Variants in SORCS2 observed in about 807,000 individuals in gnomAD.
SORCS2 encodes sortilin related VPS10 domain containing receptor 2.
In SORCS2, 100 loss-of-function variants were observed where a neutral mutation model predicts 141.6. The observed-to-expected ratio is 0.71, with a 90% CI of 0.60 to 0.83. SORCS2 has a LOEUF of 0.83. Ranked by LOEUF, SORCS2 falls within the 40% of genes least tolerant of loss-of-function variation. The pLI is 0.00. For missense variants in SORCS2, 1,646 were observed against 1,560.2 expected, an observed-to-expected ratio of 1.05 and a Z score of -0.93; for synonymous variants, 789 against 676.9, an observed-to-expected ratio of 1.17 and a Z score of -2.57.
chr4:7,721,768 G>C (rs1726603433), intron 18 of SORCS2, among the ~76,000 whole-genome samples: 1 of 152,200 alleles, frequency 6.6e-6, no homozygotes, highest in Non-Finnish European at 1.5e-5. Flanking sequence ...TAACCTCCTA[G>C]TCGTGATACT....
At chr4:7,431,790 G>C (rs752218259) in intron 2 of SORCS2, 1 of 152,348 alleles carries the variant, frequency 6.6e-6, no homozygotes, top group Non-Finnish European at 1.5e-5. Flanking sequence ...GTGTGCCTGT[G>C]TTCCTGGGGC....
At chr4:7,712,315 G>A (rs1173182758) in intron 14 of SORCS2, among the ~76,000 whole-genome samples, 2 of 152,224 alleles carry the variant, frequency 1.3e-5, no homozygotes, top group African/African-American at 4.8e-5. Context: ...AAGCCAGGGA[G>A]AAGCCAGACA....
chr4:7,550,095 T>TC lies in SORCS2; in HGVS notation c.648+18466_648+18467insC, dbSNP rs1327663088. 4.2e-4 allele frequency among the ~76,000 whole-genome samples: 4 copies of TC among 9,606 alleles called. No individual in the cohort carries two copies. In the East Asian group the frequency reaches 0.043, roughly 103 times the overall value. 6.3% of individuals were successfully genotyped at this position (9,606 alleles called of 152,430 possible). ...CCTCTTCACACCTGCCGGGAGCTGG[T>TC]GTTTTTTTTTTTCCGTGTGTGTGTG... On this transcript the variant is annotated intron_variant, in intron 3 of 26. Transcript: ENST00000507866.
At chr4:7,227,369 T>A (rs1414489255) in intron 1 of SORCS2, among the ~76,000 whole-genome samples, 2 of 152,214 alleles carry the variant, frequency 1.3e-5, no homozygotes, top group African/African-American at 4.8e-5. Context: ...CCTCTCTGCA[T>A]TAACCGAGGC....
intron 9 of SORCS2, 53 bp from the exon 10 acceptor site, chr4:7,682,690 T>G: frequency 6.5e-7 from 1 of 1,545,916 alleles, no homozygotes; most frequent in Non-Finnish European, 8.8e-7. Context: ...GGATACTTGG[T>G]CATCAGAGTG....
intron 3 of SORCS2, among the ~76,000 whole-genome samples, chr4:7,548,875 C>T (rs182410020): frequency 4.1e-4 from 62 of 152,322 alleles, no homozygotes; most frequent in Middle Eastern, 6.8e-3. Context: ...CCTACTCTGC[C>T]GGATTGACAA....
intron 2 of SORCS2, among the ~76,000 whole-genome samples, chr4:7,518,931 C>T (rs1027792716): frequency 2.0e-5 from 3 of 152,198 alleles, no homozygotes; most frequent in Non-Finnish European, 4.4e-5. Context: ...GCTTCAGCCT[C>T]GCACCTGCTG....
intron 1 of SORCS2, among the ~76,000 whole-genome samples, chr4:7,374,343 A>T (rs28680828): frequency 6.6e-6 from 1 of 152,110 alleles, no homozygotes; most frequent in Non-Finnish European, 1.5e-5. Flanking sequence ...CTCCTCCCCC[A>T]TGTGAGAGAG....
chr4:7,709,756 C>T (rs1012105896), intron 14 of SORCS2, among the ~76,000 whole-genome samples: 7 of 152,186 alleles, frequency 4.6e-5, no homozygotes, highest in Non-Finnish European at 8.8e-5. Flanking sequence ...CTAACCTGGC[C>T]AGAGGCAACT....
chr4:7,530,964 C>A (rs189200718), intron 2 of SORCS2, among the ~76,000 whole-genome samples: 1 of 152,148 alleles, frequency 6.6e-6, no homozygotes, highest in Non-Finnish European at 1.5e-5. Context: ...TACCTGCCTG[C>A]GGTCTCCTAC....
At chr4:7,717,377 C>T (rs1310439763) in intron 17 of SORCS2, among the ~76,000 whole-genome samples, 1 of 152,264 alleles carries the variant, frequency 6.6e-6, no homozygotes, top group African/African-American at 2.4e-5. Flanking sequence ...AGGTCCGCCT[C>T]TGCCTCTCCA....
intron 2 of SORCS2, among the ~76,000 whole-genome samples, chr4:7,408,389 T>C (rs1313637198): frequency 1.3e-5 from 2 of 151,890 alleles, no homozygotes; most frequent in African/African-American, 4.8e-5. Flanking sequence ...GATGACAGTT[T>C]TTTTTTTCTT....
intron 3 of SORCS2, among the ~76,000 whole-genome samples, chr4:7,605,447 G>A (rs1718000155): frequency 6.6e-6 from 1 of 152,158 alleles, no homozygotes; most frequent in African/African-American, 2.4e-5. Flanking sequence ...GCTACTCCAG[G>A]GGTGCAGGGA....
At chr4:7,278,747 T>G (rs926341337) in intron 1 of SORCS2, among the ~76,000 whole-genome samples, 1 of 152,204 alleles carries the variant, frequency 6.6e-6, no homozygotes, top group Non-Finnish European at 1.5e-5. Context: ...TTGTGTTCTG[T>G]GTTTGCTGCC....
chr4:7,329,860 A>AT (rs35055999), intron 1 of SORCS2, among the ~76,000 whole-genome samples: 1 of 152,068 alleles, frequency 6.6e-6, no homozygotes, highest in South Asian at 2.1e-4. Context: ...GAGTAAATGC[A>AT]TTTTTGACTC....
chr4:7,648,130 T>C lies in SORCS2; in HGVS notation c.814-6004T>C, dbSNP rs1721198567. On this transcript the variant is annotated intron_variant, in intron 4 of 26. Coordinates refer to ENST00000507866, the MANE Select transcript of SORCS2 (RefSeq NM_020777.3). The surrounding 1 kb of genome is among the most constrained non-coding windows in gnomAD (Gnocchi z 4.2). ...GGTGGGGTGGCGGGCACCTCTGGGA[T>C]TGTGGTTGCAGGACCTGGTGGATGG... Among the ~76,000 whole-genome samples the C allele has an allele frequency of 6.6e-6, 1 of 151,774 alleles. No individual in the cohort carries two copies. The highest frequency in any genetic ancestry group is 6.6e-5 in the Admixed American group (1 of 15,246).
chr4:7,727,427 ACCC>A (rs33979747), intron 21 of SORCS2, among the ~76,000 whole-genome samples: 85,672 of 148,004 alleles, frequency 0.58, 24,778 homozygotes, highest in African/African-American at 0.69. Context: ...ACTGAAGGAG[ACCC>A]CCCCCCCCCT....
At chr4:7,322,991 A>G (rs1718996395) in intron 1 of SORCS2, among the ~76,000 whole-genome samples, 1 of 151,680 alleles carries the variant, frequency 6.6e-6, no homozygotes, top group South Asian at 2.1e-4. Context: ...CTTTTTCTGT[A>G]TTCCAGTAGC....
At chr4:7,346,742 G>T (rs1249207322) in intron 1 of SORCS2, among the ~76,000 whole-genome samples, 1 of 152,194 alleles carries the variant, frequency 6.6e-6, no homozygotes, top group Non-Finnish European at 1.5e-5. Flanking sequence ...ATTTGTACTT[G>T]TTATATCTTC....
Sources: gnomAD v4.1 joint callset for allele counts (sites outside exome capture counted in the v4.1 genomes callset) on GRCh38, gnomAD v4.1.1 for gene constraint, Gnocchi (gnomAD v3.1) non-coding constraint, MANE v1.5 for transcripts, NCBI Gene and HGNC (gene_info 2026-07-23, HGNC 2026-07-21) for gene names.